The following MAPK10 variants were observed in gnomAD, a reference collection of about 807,000 sequenced individuals.
MAPK10 encodes JNK3 alpha protein kinase.
MAPK10 carries 25 observed loss-of-function variants against 59.3 expected under a neutral mutation model. The observed-to-expected ratio is 0.42, with a 90% CI of 0.31 to 0.59. MAPK10 has a LOEUF of 0.59. Among genes scored for constraint, MAPK10 ranks in the 20% least tolerant of loss-of-function variants. The pLI is 0.15. For missense variants in MAPK10, 351 were observed against 568.9 expected (o/e 0.62, Z 3.90); for synonymous variants, 190 against 200.5 (o/e 0.95, Z 0.44).
intron 2 of MAPK10, among the ~76,000 whole-genome samples, chr4:86,214,262 C>T (rs1257015443): frequency 1.3e-5 from 2 of 151,742 alleles, no homozygotes; most frequent in Admixed American, 6.6e-5. Context: ...ATATGAAAAA[C>T]TCATCGTGAA....
At chr4:86,407,858 A>T (rs960822337) in intron 1 of MAPK10, among the ~76,000 whole-genome samples, 6 of 152,088 alleles carry the variant, frequency 3.9e-5, no homozygotes, top group Non-Finnish European at 5.9e-5. Context: ...GTAATTTTTT[A>T]AAAATCTGGC....
intron 1 of MAPK10, among the ~76,000 whole-genome samples, chr4:86,468,277 T>C (rs1197064545): frequency 6.6e-6 from 1 of 152,184 alleles, no homozygotes; most frequent in Admixed American, 6.5e-5. Context: ...CTTGAGATGC[T>C]TGCATATATT....
Position 86,513,108 on chromosome 4 carries a change from T to A in MAPK10, c.-263+80802A>T, listed in dbSNP as rs559746328. The stretch of plus-strand genomic sequence containing the variant: ...TTTAGAGATGGGTCCTAATCTGTGA[T>A]GCAATCATAGCTCCCTTCAGCCTCA... On this transcript the variant is annotated intron_variant, in intron 1 of 4. Transcript: ENST00000502302. Among the ~76,000 whole-genome samples, 6 of 152,258 alleles carry A rather than the reference T, an allele frequency of 3.9e-5. No individual in the cohort carries two copies. In the East Asian group the frequency reaches 1.2e-3, roughly 29 times the overall value.
intron 2 of MAPK10, among the ~76,000 whole-genome samples, chr4:86,304,155 A>G (rs1455711413): frequency 1.3e-5 from 2 of 152,206 alleles, no homozygotes; most frequent in Non-Finnish European, 2.9e-5. Flanking sequence ...AGGAAAGTCA[A>G]TAAAGTCACG....
chr4:86,192,602 G>A (rs947263741), intron 3 of MAPK10: 5 of 151,788 alleles, frequency 3.3e-5, no homozygotes, highest in Admixed American at 6.6e-5. Flanking sequence ...AAGTTCTCAC[G>A]CTGTGTGTTT....
intron 11 of MAPK10, among the ~76,000 whole-genome samples, chr4:86,047,333 C>A (rs1411272208): frequency 1.3e-5 from 2 of 152,024 alleles, no homozygotes; most frequent in Non-Finnish European, 2.9e-5. Context: ...AAGGAGGGAG[C>A]AATGTGAATA....
intron 2 of MAPK10, among the ~76,000 whole-genome samples, chr4:86,288,415 A>AT (rs903936839): frequency 2.0e-5 from 3 of 147,490 alleles, no homozygotes; most frequent in Admixed American, 1.4e-4. Flanking sequence ...AACTCTTAGC[A>AT]TTTTTTTAGC....
intron 1 of MAPK10, among the ~76,000 whole-genome samples, chr4:86,428,894 T>C (rs1273800378): frequency 6.6e-6 from 1 of 152,206 alleles, no homozygotes; most frequent in Non-Finnish European, 1.5e-5. Flanking sequence ...AGGATCCTTT[T>C]TCATCTTTCA....
intron 2 of MAPK10, among the ~76,000 whole-genome samples, chr4:86,222,144 G>A (rs6810953): frequency 0.085 from 12,945 of 152,134 alleles, 1,222 homozygotes; most frequent in African/African-American, 0.23. Context: ...CCAGCATCAT[G>A]CTTTCTGTAC....
intron 1 of MAPK10, among the ~76,000 whole-genome samples, chr4:86,534,984 C>T (rs557944295): frequency 1.3e-5 from 2 of 152,050 alleles, no homozygotes; most frequent in Non-Finnish European, 2.9e-5. Context: ...ATACCTTCTC[C>T]AGTCATCTTT....
At chr4:86,422,456 T>C (rs2149034304) in intron 1 of MAPK10, among the ~76,000 whole-genome samples, 1 of 152,338 alleles carries the variant, frequency 6.6e-6, no homozygotes, top group East Asian at 1.9e-4. Flanking sequence ...TGGCAGTATC[T>C]TTCTTGCACC....
intron 13 of MAPK10, chr4:86,026,792 A>C (rs1435626055): frequency 6.6e-6 from 1 of 152,248 alleles, no homozygotes; most frequent in East Asian, 1.9e-4. Context: ...TGACTTTTCA[A>C]ACTTTTTTTT....
At chr4:86,372,568 G>GAAAGAAAGAAAGAAAGAAAGA (rs1411901849) in intron 1 of MAPK10, among the ~76,000 whole-genome samples, 15 of 29,024 alleles carry the variant, frequency 5.2e-4, no homozygotes, top group Non-Finnish European at 1.2e-3. Flanking sequence ...AAGAAAGAAA[G>GAAAGAAAGAAAGAAAGAAAGA]AAAAGAAAAG....
intron 9 of MAPK10, among the ~76,000 whole-genome samples, chr4:86,088,203 G>A (rs2052346700): frequency 6.6e-6 from 1 of 152,020 alleles, no homozygotes; most frequent in Non-Finnish European, 1.5e-5. Context: ...TTAGAGACAG[G>A]GTCTCACTCT....
intron 2 of MAPK10, among the ~76,000 whole-genome samples, chr4:86,339,894 C>A (rs1408253507): frequency 6.6e-6 from 1 of 152,134 alleles, no homozygotes; most frequent in Non-Finnish European, 1.5e-5. Context: ...AAGTGCTTCC[C>A]ATTTATTTCT....
intron 4 of MAPK10, among the ~76,000 whole-genome samples, chr4:86,141,823 G>A (rs2063710290): frequency 6.6e-6 from 1 of 152,168 alleles, no homozygotes; most frequent in Non-Finnish European, 1.5e-5. Context: ...TAGAACACCT[G>A]AGACTGGGTA....
Position 86,064,306 on chromosome 4 carries a change from G to C in MAPK10, c.1070C>G (p.Pro357Arg). 1 of 1,614,108 alleles carries C rather than the reference G, an allele frequency of 6.2e-7. No individual in the cohort carries two copies. The change falls in exon 11 of 14, where the codon CCC (proline) becomes CGC (arginine). Residue 357 changes from proline (P) to arginine (R), a missense_variant. Coordinates refer to ENST00000641462, the MANE Select transcript of MAPK10 (RefSeq NM_138982.4). ...TGGGTCATACCAGACGTTGATGTAG[G>C]GATGCTGTAAGGCGTCGTCCACTGA... is the stretch of plus-strand genomic sequence containing the variant. The part of the protein sequence containing the change: ...RISVDDALQH[P>R]YINVWYDPAE...
At chr4:86,132,687 CCT>C in intron 4 of MAPK10, among the ~76,000 whole-genome samples, 1 of 152,248 alleles carries the variant, frequency 6.6e-6, no homozygotes, top group Non-Finnish European at 1.5e-5. Context: ...AGCTCTGTCC[CCT>C]GTGAAATCAT....
rs117498163 is a variant in MAPK10 at position 86,487,096 on chromosome 4, C to T, written c.-263+106814G>A. Among the ~76,000 whole-genome samples the T allele has an allele frequency of 6.7e-4, 102 of 152,046 alleles. 1 individual carries two copies. The East Asian group carries it at 0.016, about 25-fold the overall frequency. On this transcript the variant is annotated intron_variant, in intron 1 of 4. Coordinates refer to the MAPK10 transcript ENST00000502302. ...TTGGGTACTGAAGACATGAGACAGTCGATTGCAATGCAGGATCCTATGCTG... is the reference window on the plus strand; with the variant it reads ...TTGGGTACTGAAGACATGAGACAGTTGATTGCAATGCAGGATCCTATGCTG...
Sources: gnomAD v4.1 joint callset for allele counts (sites outside exome capture counted in the v4.1 genomes callset) on GRCh38, gnomAD v4.1.1 for gene constraint, MANE v1.5 for transcripts, NCBI Gene and HGNC (gene_info 2026-07-23, HGNC 2026-07-21) for gene names.